ELMO1: variants seen among roughly 807,000 people sequenced by gnomAD.
ELMO1 encodes engulfment and cell motility 1.
ELMO1 carries 26 observed loss-of-function variants against 98.9 expected under a neutral mutation model. The observed-to-expected ratio is 0.26, with a 90% CI of 0.19 to 0.36. ELMO1 has a LOEUF of 0.36. Among genes scored for constraint, ELMO1 ranks in the 10% least tolerant of loss-of-function variants. ELMO1 has a pLI of 1.00. For missense variants in ELMO1, 627 were observed against 935.2 expected (o/e 0.67, Z 4.30); for synonymous variants, 346 against 346.0 (o/e 1.00, Z 0.00).
chr7:37,132,977 C>A, intron 14 of ELMO1, 153 bp downstream of exon 14: 1 of 511,414 alleles, frequency 2.0e-6, no homozygotes, highest in Non-Finnish European at 3.3e-6. Flanking sequence ...TGATTGATCT[C>A]ACTTAATTCT....
chr7:37,204,145 T>G (rs1188345531), intron 13 of ELMO1: 1 of 456,494 alleles, frequency 2.2e-6, no homozygotes, highest in South Asian at 1.5e-5. Flanking sequence ...CGCCTGGCGA[T>G]GGGCGATGGT....
chr7:36,973,774 G>C (rs57229663), intron 16 of ELMO1, among the ~76,000 whole-genome samples: 6 of 152,282 alleles, frequency 3.9e-5, no homozygotes, highest in South Asian at 2.1e-4. Context: ...CCGGGGCTGC[G>C]CGCGGCGCTT....
chr7:37,344,206 A>G (rs776492070), intron 1 of ELMO1, among the ~76,000 whole-genome samples: 4 of 151,892 alleles, frequency 2.6e-5, no homozygotes, highest in Admixed American at 2.0e-4. Context: ...TAACTTTTGT[A>G]TTTTTAGTAG....
intron 1 of ELMO1, among the ~76,000 whole-genome samples, chr7:37,364,285 C>A (rs1201332334): frequency 6.6e-6 from 1 of 152,202 alleles, no homozygotes; most frequent in Non-Finnish European, 1.5e-5. Flanking sequence ...AGGGGACCCT[C>A]CCATGGTTGA....
intron 19 of ELMO1, among the ~76,000 whole-genome samples, chr7:36,871,973 C>T (rs1388370924): frequency 6.6e-6 from 1 of 152,162 alleles, no homozygotes; most frequent in Non-Finnish European, 1.5e-5. Context: ...GGTTCCCCTG[C>T]CATATCTCAC....
At chr7:37,245,112 C>T (rs1794932216) in intron 6 of ELMO1, among the ~76,000 whole-genome samples, 1 of 152,180 alleles carries the variant, frequency 6.6e-6, no homozygotes. Flanking sequence ...TCCATCCCCT[C>T]TTTGCCCAAC....
At chr7:37,096,476 A>T (rs1784368695) in intron 15 of ELMO1, 143 bp downstream of exon 15, 1 of 652,142 alleles carries the variant, frequency 1.5e-6, no homozygotes, top group South Asian at 1.9e-5. Context: ...TGTAAACCTG[A>T]GCCAAATAAT....
intron 20 of ELMO1, among the ~76,000 whole-genome samples, chr7:36,862,305 C>T (rs1220096939): frequency 6.6e-6 from 1 of 152,204 alleles, no homozygotes; most frequent in African/African-American, 2.4e-5. Context: ...TGTCCTTTGA[C>T]CTTTAAGCTA....
intron 4 of ELMO1, among the ~76,000 whole-genome samples, chr7:37,278,478 C>T (rs1399867588): frequency 6.6e-6 from 1 of 152,032 alleles, no homozygotes; most frequent in Non-Finnish European, 1.5e-5. Flanking sequence ...TACTGCACTC[C>T]AGCCTAGGCA....
At chr7:37,436,653 G>C (rs1181019295) in intron 1 of ELMO1, among the ~76,000 whole-genome samples, 1 of 152,154 alleles carries the variant, frequency 6.6e-6, no homozygotes, top group Non-Finnish European at 1.5e-5. Context: ...TTAATGAGCT[G>C]GTGTGCCTGT....
intron 7 of ELMO1, among the ~76,000 whole-genome samples, chr7:37,233,536 C>A (rs1460513920): frequency 6.6e-6 from 1 of 152,156 alleles, no homozygotes; most frequent in African/African-American, 2.4e-5. Flanking sequence ...ATGGTGATAT[C>A]TATCTAGCCA....
intron 15 of ELMO1, among the ~76,000 whole-genome samples, chr7:37,096,415 T>C (rs77539244): frequency 0.016 from 2,417 of 152,322 alleles, 51 homozygotes; most frequent in African/African-American, 0.056. Flanking sequence ...TCCATTCCCA[T>C]AGGTTTTAAT....
At chr7:37,035,400 T>C (rs1795121849) in intron 15 of ELMO1, among the ~76,000 whole-genome samples, 1 of 152,202 alleles carries the variant, frequency 6.6e-6, no homozygotes, top group Non-Finnish European at 1.5e-5. Context: ...GCTTTTCTAA[T>C]AGCAATTCTG....
chr7:36,921,316 G>C (rs1785138287), intron 16 of ELMO1, among the ~76,000 whole-genome samples: 1 of 152,160 alleles, frequency 6.6e-6, no homozygotes, highest in Non-Finnish European at 1.5e-5. Context: ...TCTGCCTTTG[G>C]AACCTGGCTC....
chr7:37,070,965 T>C (rs1797238034), intron 15 of ELMO1, among the ~76,000 whole-genome samples: 1 of 152,096 alleles, frequency 6.6e-6, no homozygotes, highest in African/African-American at 2.4e-5. Flanking sequence ...TTTCACCACA[T>C]TCCCCCACCG....
At chr7:36,939,486 G>T (rs1259150902) in intron 16 of ELMO1, among the ~76,000 whole-genome samples, 1 of 152,162 alleles carries the variant, frequency 6.6e-6, no homozygotes, top group East Asian at 1.9e-4. Context: ...GGCTCTGTGT[G>T]TTTCACTTCC....
intron 13 of ELMO1, among the ~76,000 whole-genome samples, chr7:37,188,525 T>TAATAAC (rs1294709913): frequency 7.8e-6 from 1 of 128,682 alleles, no homozygotes; most frequent in Non-Finnish European, 1.6e-5. Context: ...ATAATAATAA[T>TAATAAC]AACTAAGAGC....
At position 37,145,778 on chromosome 7, in the gene ELMO1, C is replaced by T. The variant is rs77986202; in HGVS notation, c.1087-12544G>A. Reference sequence around the variant, plus strand: ...AGCGTCTACATTTGCTGAACAAATACAGCATTAAAAGCAACCTTTAAAACA... The same window carrying T: ...AGCGTCTACATTTGCTGAACAAATATAGCATTAAAAGCAACCTTTAAAACA... On this transcript the variant is annotated intron_variant, in intron 13 of 21. Transcript: ENST00000310758. 4.0e-3 allele frequency among the ~76,000 whole-genome samples: 614 copies of T among 152,286 alleles called. 1 individual carries two copies. The highest frequency in any genetic ancestry group is 6.3e-3 in the Non-Finnish European group (427 of 68,016).
chr7:37,422,614 T>G (rs555375622), intron 1 of ELMO1, among the ~76,000 whole-genome samples: 1 of 152,340 alleles, frequency 6.6e-6, no homozygotes, highest in African/African-American at 2.4e-5. Flanking sequence ...TTAAAACACT[T>G]AAACAGGTCT....
Sources: allele counts gnomAD v4.1 joint callset (sites outside exome capture counted in the v4.1 genomes callset), GRCh38; gene constraint gnomAD v4.1.1; transcripts MANE v1.5; gene names NCBI Gene and HGNC (gene_info 2026-07-23, HGNC 2026-07-21).